Variants in PRKD1 observed in about 807,000 individuals in gnomAD.
PRKD1 encodes the protein serine/threonine-protein kinase D1.
In PRKD1, 63 loss-of-function variants were observed where a neutral mutation model predicts 95.9. The ratio of observed to expected loss-of-function variants is 0.66; its 90% CI spans 0.54 to 0.81. PRKD1 has a LOEUF of 0.81. PRKD1 is among the 30% of genes least tolerant of loss of function. PRKD1 has a pLI of 0.00. For missense variants in PRKD1, 1,048 were observed against 1,165.3 expected, an observed-to-expected ratio of 0.90 and a Z score of 1.47; for synonymous variants, 425 against 423.1, an observed-to-expected ratio of 1.00 and a Z score of -0.05.
chr14:29,666,470 T>C (rs1412355064), intron 2 of PRKD1, among the ~76,000 whole-genome samples: 1 of 151,776 alleles, frequency 6.6e-6, no homozygotes, highest in Non-Finnish European at 1.5e-5. Flanking sequence ...GCCAAAAAAA[T>C]AGCAGAAAGC....
intron 1 of PRKD1, among the ~76,000 whole-genome samples, chr14:29,819,666 G>C (rs1451119756): frequency 2.0e-5 from 3 of 151,792 alleles, no homozygotes; most frequent in African/African-American, 7.3e-5. Context: ...CTCCAGCCTG[G>C]GCGACAGAGT....
chr14:29,742,023 A>C (rs952958917), intron 1 of PRKD1, among the ~76,000 whole-genome samples: 12 of 152,268 alleles, frequency 7.9e-5, no homozygotes, highest in Non-Finnish European at 1.3e-4. Context: ...CCAAGGACAA[A>C]AATCTCATTT....
At chr14:29,625,290 C>A (rs187400729) in intron 12 of PRKD1, among the ~76,000 whole-genome samples, 113 of 152,290 alleles carry the variant, frequency 7.4e-4, no homozygotes, top group African/African-American at 2.5e-3. Context: ...GCCATGACTT[C>A]TTTCATCTCT....
intron 2 of PRKD1, among the ~76,000 whole-genome samples, chr14:29,716,343 G>C (rs1475814463): frequency 6.6e-6 from 1 of 152,172 alleles, no homozygotes; most frequent in Non-Finnish European, 1.5e-5. Context: ...TGCTGACAGA[G>C]ATCTATGGAG....
intron 1 of PRKD1, among the ~76,000 whole-genome samples, chr14:29,766,877 T>G (rs182701599): frequency 2.0e-5 from 3 of 152,292 alleles, no homozygotes; most frequent in Admixed American, 6.5e-5. Context: ...GGCACTCTGG[T>G]GTCACTCACT....
At position 29,682,972 on chromosome 14, in the gene PRKD1, G is replaced by A. The variant is rs537651249; in HGVS notation, c.404-16764C>T. 2.0e-5 allele frequency among the ~76,000 whole-genome samples: 3 copies of A among 152,284 alleles called. No homozygotes were observed. In the East Asian group the frequency reaches 5.8e-4, roughly 30 times the overall value. On this transcript the variant is annotated intron_variant, in intron 2 of 17. Transcript: ENST00000331968. The stretch of plus-strand genomic sequence containing the variant: ...GTGTGCCAGAGCAAAGCCGGAAGGG[G>A]AGCCAGGCCTTGTGTAGAGAGGCCT...
At chr14:29,776,092 T>C (rs1360419180) in intron 1 of PRKD1, among the ~76,000 whole-genome samples, 5 of 152,020 alleles carry the variant, frequency 3.3e-5, no homozygotes, top group Admixed American at 2.0e-4. Flanking sequence ...GTCCTGACTG[T>C]CAGAAGGAAA....
At chr14:29,663,664 T>C (rs1278788066) in intron 4 of PRKD1, 35 bp downstream of exon 4, 9 of 1,603,158 alleles carry the variant, frequency 5.6e-6, no homozygotes, top group Non-Finnish European at 7.7e-6. Flanking sequence ...AGATTTCTCA[T>C]GTAAATGGGG....
intron 2 of PRKD1, among the ~76,000 whole-genome samples, chr14:29,711,991 C>G (rs1885355751): frequency 6.6e-6 from 1 of 152,122 alleles, no homozygotes; most frequent in Non-Finnish European, 1.5e-5. Flanking sequence ...TCAACTTAGA[C>G]ATTTAAACTT....
chr14:29,742,458 T>G (rs963441299), intron 1 of PRKD1, among the ~76,000 whole-genome samples: 1 of 152,222 alleles, frequency 6.6e-6, no homozygotes, highest in African/African-American at 2.4e-5. Context: ...TGATTCAGGT[T>G]AGTAGGTCAT....
At chr14:29,782,524 C>G (rs939738967) in intron 1 of PRKD1, among the ~76,000 whole-genome samples, 2 of 151,704 alleles carry the variant, frequency 1.3e-5, no homozygotes, top group African/African-American at 4.8e-5. Context: ...AAAAATATTT[C>G]AATTGCTTTT....
intron 1 of PRKD1, among the ~76,000 whole-genome samples, chr14:29,755,870 A>C (rs1448524240): frequency 1.3e-5 from 2 of 152,118 alleles, no homozygotes; most frequent in Non-Finnish European, 2.9e-5. Context: ...ACCTGTGAAC[A>C]ACCAGCTTTC....
At chr14:29,638,962 T>C in intron 4 of PRKD1, 58 bp from the exon 5 acceptor site, 2 of 1,305,084 alleles carry the variant, frequency 1.5e-6, no homozygotes, top group Non-Finnish European at 2.1e-6. Flanking sequence ...GATTTATATA[T>C]TTATATATTT....
chr14:29,760,240 A>G (rs1887912333), intron 1 of PRKD1, among the ~76,000 whole-genome samples: 2 of 152,124 alleles, frequency 1.3e-5, no homozygotes, highest in African/African-American at 2.4e-5. Flanking sequence ...CCAATAAAAA[A>G]CCACACACAT....
chr14:29,826,812 T>TATATAC (rs1566622991), intron 1 of PRKD1, among the ~76,000 whole-genome samples: 6 of 51,326 alleles, frequency 1.2e-4, no homozygotes, highest in Non-Finnish European at 2.2e-4. Flanking sequence ...CACATATATA[T>TATATAC]ACACATATAT....
rs766009512 is a variant in PRKD1, at chr14:29,927,384, C to G, written c.129G>C (p.Ala43=). 86 of 1,553,250 alleles carry G rather than the reference C, an allele frequency of 5.5e-5. No individual in the cohort carries two copies. The highest frequency in any genetic ancestry group is 7.3e-5 in the Non-Finnish European group (84 of 1,152,830). ...PGPAPFLAPV[A]APVGGISFHL... ...GGAACGAGATGCCCCCGACCGGGGC[C>G]GCGACAGGAGCCAAGAACGGCGCGG... is the stretch of plus-strand genomic sequence containing the variant. The change falls in exon 1 of 18, where the codon GCG becomes GCC. Residue 43 remains alanine, a synonymous_variant. Coordinates refer to ENST00000331968, the MANE Select transcript of PRKD1 (RefSeq NM_002742.3).
intron 2 of PRKD1, among the ~76,000 whole-genome samples, chr14:29,680,735 C>T (rs1228294538): frequency 6.6e-6 from 1 of 152,090 alleles, no homozygotes; most frequent in African/African-American, 2.4e-5. Context: ...AAGGTGAAGA[C>T]TAGGGGTTCA....
chr14:29,878,073 T>C (rs1008446287), intron 1 of PRKD1, among the ~76,000 whole-genome samples: 2 of 152,204 alleles, frequency 1.3e-5, no homozygotes, highest in African/African-American at 4.8e-5. Flanking sequence ...CTTCATGTTC[T>C]CACTTATAAG....
Position 29,705,456 on chromosome 14 carries a change from T to G in PRKD1, c.403+20080A>C, listed in dbSNP as rs558042689. ...CGATGAACAGAAAAGCCAGATTCTG[T>G]TTTTTTTTTTGTCTTTATTGAGATA... On this transcript the variant is annotated intron_variant, in intron 2 of 17. Transcript: ENST00000331968. Among the ~76,000 whole-genome samples the G allele has an allele frequency of 9.1e-3, 452 of 49,538 alleles. 3 individuals are homozygous for G. The highest frequency in any genetic ancestry group is 0.013 in the Non-Finnish European group (330 of 25,266). The allele number at this position is 49,538 out of a possible 152,430, so 32.5% of individuals were successfully genotyped here.
Sources: gnomAD v4.1 joint callset for allele counts (sites outside exome capture counted in the v4.1 genomes callset) on GRCh38, gnomAD v4.1.1 for gene constraint, MANE v1.5 for transcripts, NCBI Gene and HGNC (gene_info 2026-07-23, HGNC 2026-07-21) for gene names.